Variants in PJA2 observed in about 807,000 individuals in gnomAD.
PJA2 encodes the protein E3 ubiquitin-protein ligase Praja-2.
In PJA2, 25 loss-of-function variants were observed where a neutral mutation model predicts 69.3. That is an observed-to-expected ratio of 0.36 (90% CI 0.26 to 0.50). The LOEUF (loss-of-function observed/expected upper bound fraction) is 0.50, where lower values mean the gene tolerates loss of function less well. Among genes scored for constraint, PJA2 ranks in the 20% least tolerant of loss-of-function variants. PJA2 has a pLI of 0.96. For synonymous variants in PJA2, 308 were observed against 277.8 expected (o/e 1.11, Z -1.08); for missense variants, 809 against 830.2 (o/e 0.97, Z 0.31).
intron 8 of PJA2, 107 bp downstream of exon 8, chr5:109,344,597 AT>A (rs1762143033): frequency 3.8e-6 from 3 of 793,590 alleles, no homozygotes; most frequent in Non-Finnish European, 1.9e-6. Flanking sequence ...TATAAAAAAA[AT>A]CTAGTGAAAG....
intron 1 of PJA2, among the ~76,000 whole-genome samples, chr5:109,386,548 G>C (rs942295498): frequency 1.3e-5 from 2 of 152,090 alleles, no homozygotes; most frequent in African/African-American, 4.8e-5. Context: ...TTTAGTCTAC[G>C]TGTTTTCAAG....
intron 5 of PJA2, among the ~76,000 whole-genome samples, chr5:109,365,764 G>C (rs1463427357): frequency 1.3e-5 from 2 of 152,082 alleles, no homozygotes; most frequent in Non-Finnish European, 1.5e-5. Context: ...ATTATGCAAA[G>C]TACAATAGTG....
At chr5:109,359,468 A>T (rs1221273239) in intron 6 of PJA2, among the ~76,000 whole-genome samples, 1 of 152,250 alleles carries the variant, frequency 6.6e-6, no homozygotes, top group East Asian at 1.9e-4. Flanking sequence ...ATCAAATTTT[A>T]TATCACCAGT....
At chr5:109,347,299 G>C (rs887951003) in intron 7 of PJA2, among the ~76,000 whole-genome samples, 1 of 152,220 alleles carries the variant, frequency 6.6e-6, no homozygotes, top group Non-Finnish European at 1.5e-5. Context: ...TAGCTGACAT[G>C]ATTTTAAGTT....
chr5:109,382,253 A>G (rs547192710), intron 2 of PJA2, among the ~76,000 whole-genome samples: 1 of 152,332 alleles, frequency 6.6e-6, no homozygotes, highest in Admixed American at 6.5e-5. Context: ...AACGTCAGAT[A>G]AAACTATCCA....
At chr5:109,374,492 A>G (rs1042705615) in intron 4 of PJA2, among the ~76,000 whole-genome samples, 4 of 149,570 alleles carry the variant, frequency 2.7e-5, no homozygotes, top group Admixed American at 1.4e-4. Flanking sequence ...ATAAATACGT[A>G]TATTTTGTCT....
At chr5:109,375,031 T>C (rs188279714) in intron 4 of PJA2, among the ~76,000 whole-genome samples, 44 of 152,292 alleles carry the variant, frequency 2.9e-4, no homozygotes, top group Middle Eastern at 3.4e-3. Flanking sequence ...TCAGTACCTG[T>C]CAAACAGCTC....
intron 6 of PJA2, among the ~76,000 whole-genome samples, chr5:109,359,247 C>A (rs1325930315): frequency 1.3e-5 from 2 of 152,124 alleles, no homozygotes; most frequent in Non-Finnish European, 2.9e-5. Flanking sequence ...ATATCACATA[C>A]AAAATATGTG....
chr5:109,401,248 C>G (rs1332731345), intron 1 of PJA2, among the ~76,000 whole-genome samples: 1 of 152,132 alleles, frequency 6.6e-6, no homozygotes, highest in Non-Finnish European at 1.5e-5. Context: ...GGCGCCATTG[C>G]ACTCCAACCT....
intron 5 of PJA2, among the ~76,000 whole-genome samples, chr5:109,363,371 T>C (rs1762531456): frequency 6.6e-6 from 1 of 152,194 alleles, no homozygotes; most frequent in South Asian, 2.1e-4. Context: ...CCTTCACAGT[T>C]TAAATCTGAA....
At chr5:109,400,487 G>C (rs575705663) in intron 1 of PJA2, among the ~76,000 whole-genome samples, 4 of 146,500 alleles carry the variant, frequency 2.7e-5, no homozygotes, top group South Asian at 4.4e-4. Flanking sequence ...AGCAGGGGGA[G>C]GGGGGGGAAG....
At chr5:109,396,497 G>A (rs187202529) in intron 1 of PJA2, among the ~76,000 whole-genome samples, 2,151 of 146,744 alleles carry the variant, frequency 0.015, 51 homozygotes, top group African/African-American at 0.052. Flanking sequence ...CGTGATCTCG[G>A]CTCACTGCAA....
chr5:109,381,520 G>T lies in PJA2; in HGVS notation c.215C>A (p.Pro72Gln). 6.2e-7 allele frequency: 1 copy of T among 1,613,736 alleles called. No individual in the cohort carries two copies. The highest frequency in any genetic ancestry group is 8.5e-7 in the Non-Finnish European group (1 of 1,179,904). ...TTACACACCTGAGGAATTTTCCTTTGGAACATCATCTAGTTCCAACACTTC... is the reference window on the plus strand; with the variant it reads ...TTACACACCTGAGGAATTTTCCTTTTGAACATCATCTAGTTCCAACACTTC... ...DYEVLELDDVPKENSSGSSPL... is the reference protein window; with the variant it reads ...DYEVLELDDVQKENSSGSSPL... The change falls in exon 3 of 10, where the codon CCA (proline) becomes CAA (glutamine). Residue 72 changes from proline (P) to glutamine (Q), a missense_variant. This residue lies in a region of PJA2 where 700 missense variants were observed against 639.5 expected (regional missense o/e 1.09). Coordinates refer to ENST00000361189, the MANE Select transcript of PJA2 (RefSeq NM_014819.5).
intron 7 of PJA2, among the ~76,000 whole-genome samples, chr5:109,353,434 C>T (rs1199411765): frequency 2.1e-5 from 1 of 47,416 alleles, no homozygotes; most frequent in Non-Finnish European, 6.4e-5. Flanking sequence ...TATTAGATAC[C>T]TATATATAGA....
chr5:109,376,885 T>C (rs1746901081), intron 4 of PJA2, among the ~76,000 whole-genome samples: 2 of 152,008 alleles, frequency 1.3e-5, no homozygotes, highest in African/African-American at 4.8e-5. Context: ...TGCAGTAAAA[T>C]ATACAAATAT....
At chr5:109,400,955 C>T (rs1291943247) in intron 1 of PJA2, among the ~76,000 whole-genome samples, 3 of 151,994 alleles carry the variant, frequency 2.0e-5, no homozygotes, top group African/African-American at 7.2e-5. Flanking sequence ...TGCACTCCAG[C>T]CTGGGAGACA....
In PJA2 at chr5:109,391,615, G is replaced by A. The variant is rs115416326; in HGVS notation, c.-87-8095C>T. 7.0e-3 allele frequency among the ~76,000 whole-genome samples: 1,062 copies of A among 151,860 alleles called. 6 individuals carry two copies. Among genetic ancestry groups the A allele is most frequent in the Non-Finnish European group, 0.012 (811 of 67,976 alleles). On this transcript the variant is annotated intron_variant, in intron 1 of 9. Coordinates refer to ENST00000361189, the MANE Select transcript of PJA2 (RefSeq NM_014819.5). The stretch of plus-strand genomic sequence containing the variant: ...ACTCAAACACCTACCAAGTGAGTGT[G>A]CTTGTCAGTGAATTAAAAATGAGAG...
At chr5:109,357,718 C>T (rs1426622485) in intron 6 of PJA2, among the ~76,000 whole-genome samples, 1 of 152,200 alleles carries the variant, frequency 6.6e-6, no homozygotes, top group African/African-American at 2.4e-5. Context: ...GTGGTATGTA[C>T]CAGTGCGGGA....
intron 5 of PJA2, 143 bp downstream of exon 5, chr5:109,368,418 A>T: frequency 1.6e-6 from 1 of 635,054 alleles, no homozygotes; most frequent in Non-Finnish European, 2.6e-6. Context: ...TTAAAATACC[A>T]AAAGCATAAT....
Sources: allele counts gnomAD v4.1 joint callset (sites outside exome capture counted in the v4.1 genomes callset), GRCh38; gene constraint gnomAD v4.1.1; regional missense constraint gnomAD v4.1.1; transcripts MANE v1.5; gene names NCBI Gene and HGNC (gene_info 2026-07-23, HGNC 2026-07-21).